Variants in PTK2B observed in about 807,000 individuals in gnomAD.
The protein encoded by PTK2B is protein-tyrosine kinase 2-beta.
Under a neutral mutation model 142.9 loss-of-function variants are expected in PTK2B, and 71 were observed. The observed-to-expected ratio is 0.50, with a 90% CI of 0.41 to 0.61. PTK2B has a LOEUF of 0.61. PTK2B is among the 20% of genes least tolerant of loss of function. The probability of loss-of-function intolerance (pLI) is 0.00; values close to 1 mark genes in which losing one functional copy is unlikely to be tolerated. For missense variants in PTK2B, 1,105 were observed against 1,320.4 expected (o/e 0.84, Z 2.53); for synonymous variants, 519 against 503.4 (o/e 1.03, Z -0.42).
rs373605617 is a variant in PTK2B at position 27,391,138 on chromosome 8, TGGTGCAATCTCGGCTC to T, written c.-37-6393_-37-6378del. Among the ~76,000 whole-genome samples, 556 of 151,162 alleles carry T rather than the reference TGGTGCAATCTCGGCTC, an allele frequency of 3.7e-3. 5 individuals carry two copies. Among genetic ancestry groups the T allele is most frequent in the African/African-American group, 0.012 (512 of 41,134 alleles). On this transcript the variant is annotated intron_variant, in intron 1 of 30. Transcript: ENST00000346049. ...TCTTTTCCCCCAGTCTGGAGTGCAA[TGGTGCAATCTCGGCTC>T]GGTGCAATCTCGGCTCACTGCAAGC...
At chr8:27,342,830 G>T (rs1477715712) in intron 1 of PTK2B, among the ~76,000 whole-genome samples, 2 of 152,216 alleles carry the variant, frequency 1.3e-5, no homozygotes, top group Admixed American at 6.5e-5. Context: ...TCCCCCCTCA[G>T]TGGGTCACAT....
intron 1 of PTK2B, among the ~76,000 whole-genome samples, chr8:27,369,037 C>T (rs1806184254): frequency 1.3e-5 from 2 of 152,336 alleles, no homozygotes; most frequent in African/African-American, 4.8e-5. Context: ...AGAGGCATTT[C>T]TCAGCATCTC....
intron 1 of PTK2B, among the ~76,000 whole-genome samples, chr8:27,335,964 C>G (rs1445906660): frequency 6.6e-6 from 1 of 152,220 alleles, no homozygotes; most frequent in Non-Finnish European, 1.5e-5. Context: ...CTTGAGTCCC[C>G]TCCATGGATC....
chr8:27,418,414 C>T (rs1343886192), intron 2 of PTK2B, among the ~76,000 whole-genome samples: 1 of 152,178 alleles, frequency 6.6e-6, no homozygotes, highest in African/African-American at 2.4e-5. Context: ...AATAATATGC[C>T]TCCTTCTTTT....
At chr8:27,386,019 C>T (rs1807331069) in intron 1 of PTK2B, among the ~76,000 whole-genome samples, 1 of 151,510 alleles carries the variant, frequency 6.6e-6, no homozygotes, top group Admixed American at 6.6e-5. Context: ...ACCAAAATAA[C>T]AATATTATAA....
intron 1 of PTK2B, among the ~76,000 whole-genome samples, chr8:27,343,109 G>A (rs113834022): frequency 5.9e-5 from 9 of 152,178 alleles, no homozygotes; most frequent in Non-Finnish European, 5.9e-5. Flanking sequence ...CACCCCCAGA[G>A]CTGTATTAAG....
intron 1 of PTK2B, among the ~76,000 whole-genome samples, chr8:27,380,200 T>C (rs987394257): frequency 2.0e-5 from 3 of 152,200 alleles, no homozygotes; most frequent in Admixed American, 1.3e-4. Flanking sequence ...TGCCCAGCCC[T>C]GGCTTCCTGG....
intron 1 of PTK2B, among the ~76,000 whole-genome samples, chr8:27,351,361 A>G (rs2130514402): frequency 6.6e-6 from 1 of 152,130 alleles, no homozygotes; most frequent in East Asian, 1.9e-4. Context: ...GGGTGAGAAA[A>G]TGGTCTCCAA....
upstream of PTK2B, among the ~76,000 whole-genome samples, chr8:27,322,030 C>A (rs1010846932): frequency 6.6e-6 from 1 of 151,782 alleles, no homozygotes; most frequent in African/African-American, 2.4e-5. Context: ...CACTCTGTCA[C>A]CCAGGCTGGA....
chr8:27,351,899 A>G (rs193248812), intron 1 of PTK2B, among the ~76,000 whole-genome samples: 1 of 152,346 alleles, frequency 6.6e-6, no homozygotes, highest in African/African-American at 2.4e-5. Context: ...CTGGAGGGAA[A>G]GAGAAACTGC....
chr8:27,366,947 T>G (rs970015042), intron 1 of PTK2B, among the ~76,000 whole-genome samples: 1 of 151,994 alleles, frequency 6.6e-6, no homozygotes, highest in South Asian at 2.1e-4. Context: ...AGGCTGAGTG[T>G]GGTGGCTCGG....
intron 26 of PTK2B, 38 bp from the exon 27 acceptor site, chr8:27,451,447 A>T: frequency 6.2e-7 from 1 of 1,613,196 alleles, no homozygotes; most frequent in South Asian, 1.1e-5. Context: ...CCACAGCCGC[A>T]TGAGTGACGT....
At chr8:27,448,942 A>G (rs1394168447) in intron 24 of PTK2B, among the ~76,000 whole-genome samples, 2 of 152,222 alleles carry the variant, frequency 1.3e-5, no homozygotes, top group Non-Finnish European at 2.9e-5. Context: ...GTTTTCCTAA[A>G]ATAAGGTCTA....
rs559693319 is a variant in PTK2B, at chr8:27,332,586, T to C, written c.-38+6905T>C. ...TAGTTTTTCTTCCCCCAATTTTTTTTTTTATCTCATTTCGAGACAGAATCT... is the reference window on the plus strand; with the variant it reads ...TAGTTTTTCTTCCCCCAATTTTTTTCTTTATCTCATTTCGAGACAGAATCT... On this transcript the variant is annotated intron_variant, in intron 1 of 30. Transcript: ENST00000346049. Among the ~76,000 whole-genome samples, 3 of 152,256 alleles carry C rather than the reference T, an allele frequency of 2.0e-5. No individual in the cohort carries two copies. In the South Asian group the frequency reaches 6.2e-4, roughly 32 times the overall value.
At chr8:27,420,286 A>T (rs894770041) in intron 3 of PTK2B, among the ~76,000 whole-genome samples, 2 of 152,048 alleles carry the variant, frequency 1.3e-5, no homozygotes, top group Non-Finnish European at 2.9e-5. Flanking sequence ...CAGAGCCAAC[A>T]CCTAAAGGTA....
At chr8:27,369,887 G>T (rs184319537) in intron 1 of PTK2B, among the ~76,000 whole-genome samples, 1 of 152,076 alleles carries the variant, frequency 6.6e-6, no homozygotes, top group Non-Finnish European at 1.5e-5. Context: ...TGAGGCAGGA[G>T]AATAGCTTGA....
rs768474197 is a variant in PTK2B at position 27,437,217 on chromosome 8, CT to C, written c.1426+12del. 1.9e-6 allele frequency: 3 copies of C among 1,609,462 alleles called. No homozygotes were observed. Among genetic ancestry groups the C allele is most frequent in the Admixed American group, 3.3e-5 (2 of 60,008 alleles). On this transcript the variant is annotated intron_variant, in intron 16 of 30. Coordinates refer to ENST00000346049, the MANE Select transcript of PTK2B (RefSeq NM_173176.3). Reference sequence around the variant, plus strand: ...TCATGAGCGAGGCAGGTAGGGACCCCTGAGACCAACCAGGCCTCCAAGATGG... The same window carrying C: ...TCATGAGCGAGGCAGGTAGGGACCCCGAGACCAACCAGGCCTCCAAGATGG...
chr8:27,453,196 G>C (rs149148900), intron 28 of PTK2B, 36 bp downstream of exon 28: 1 of 1,612,296 alleles, frequency 6.2e-7, no homozygotes. Context: ...ATAAATGAGA[G>C]TGGGGGTTGC....
At chr8:27,423,678 C>A (rs192917774) in intron 5 of PTK2B, among the ~76,000 whole-genome samples, 2 of 152,214 alleles carry the variant, frequency 1.3e-5, no homozygotes, top group African/African-American at 4.8e-5. Flanking sequence ...TTCTACGGAG[C>A]CAGCTGAGGG....
Sources: gnomAD v4.1 joint callset for allele counts (sites outside exome capture counted in the v4.1 genomes callset) on GRCh38, gnomAD v4.1.1 for gene constraint, MANE v1.5 for transcripts, NCBI Gene and HGNC (gene_info 2026-07-23, HGNC 2026-07-21) for gene names.